PCDHGB4: variants seen among roughly 807,000 people sequenced by gnomAD.
PCDHGB4 encodes protocadherin gamma subfamily B, 4, also known as protocadherin gamma-B4.
A neutral mutation model predicts 60.5 loss-of-function variants in PCDHGB4; 38 were observed. That is an observed-to-expected ratio of 0.63 (90% CI 0.48 to 0.82). The LOEUF is 0.82. Among genes scored for constraint, PCDHGB4 ranks in the 40% least tolerant of loss-of-function variants. PCDHGB4 has a pLI of 0.00. For synonymous variants in PCDHGB4, 456 were observed against 509.7 expected (o/e 0.89, Z 1.42); for missense variants, 1,109 against 1,209.6 (o/e 0.92, Z 1.23).
chr5:141,397,639 G>A (rs1391771739), intron 1 of PCDHGB4, among the ~76,000 whole-genome samples: 2 of 152,180 alleles, frequency 1.3e-5, no homozygotes, highest in Non-Finnish European at 2.9e-5. Context: ...AGAGTTCAAG[G>A]TATGTTTGCA....
At position 141,487,892 on chromosome 5, in the gene PCDHGB4, T is replaced by C; in HGVS notation, c.2398-6915T>C. The C allele has an allele frequency of 2.7e-6, 2 of 731,410 alleles. No individual in the cohort carries two copies. The highest frequency in any genetic ancestry group is 4.4e-6 in the Non-Finnish European group (2 of 450,094). 45.3% of individuals were successfully genotyped at this position (731,410 alleles called of 1,614,324 possible). On this transcript the variant is annotated intron_variant, in intron 1 of 3. Coordinates refer to ENST00000519479, the MANE Select transcript of PCDHGB4 (RefSeq NM_003736.4). This position sits in a 1 kb window ranked among gnomAD's most constrained non-coding sequence, Gnocchi z 5.0. ...GAGCCAGGCTGTTGTGGAAGCATGA[T>C]GATGGAATGTGGGAGCACAGGAGGC...
rs1290674122 is a variant in PCDHGB4 at position 141,489,521 on chromosome 5, G to A, written c.2398-5286G>A. 3 of 1,613,988 alleles carry A rather than the reference G, an allele frequency of 1.9e-6. No individual in the cohort carries two copies. The highest frequency in any genetic ancestry group is 2.2e-5 in the East Asian group (1 of 44,886). On this transcript the variant is annotated intron_variant, in intron 1 of 3. Coordinates refer to ENST00000519479, the MANE Select transcript of PCDHGB4 (RefSeq NM_003736.4). This position sits in a 1 kb window ranked among gnomAD's most constrained non-coding sequence, Gnocchi z 4.5. ...GTGAATCAAAAGATTGACCGAGAAAGCCTATGTGGAGCCAGCACCAGCTGC... is the reference window on the plus strand; with the variant it reads ...GTGAATCAAAAGATTGACCGAGAAAACCTATGTGGAGCCAGCACCAGCTGC...
rs983998465 is a variant in PCDHGB4 at position 141,494,817 on chromosome 5, C to T, written c.2408C>T (p.Pro803Leu). ...SELTSHQQAP[P>L]NTDWRFSQAQ... ...CTGTTTTCTCCACAGCAAGCCCCGC[C>T]CAACACGGACTGGCGTTTCTCTCAG... The change falls in exon 2 of 4, where the codon CCC becomes CTC. Residue 803 changes from proline to leucine, a missense_variant. Around this residue, in one of 2 missense-constraint regions of PCDHGB4, gnomAD observed 1,068 missense variants for 1,089.9 expected, o/e 0.98. Transcript: ENST00000519479. 1.2e-6 allele frequency: 2 copies of T among 1,614,016 alleles called. No individual in the cohort carries two copies. Among genetic ancestry groups the T allele is most frequent in the Non-Finnish European group, 1.7e-6 (2 of 1,180,026 alleles).
At chr5:141,450,134 G>A (rs1267554616) in intron 1 of PCDHGB4, among the ~76,000 whole-genome samples, 1 of 151,424 alleles carries the variant, frequency 6.6e-6, no homozygotes, top group East Asian at 2.0e-4. Context: ...AGCCTCCTGA[G>A]TAGCTGGGAC....
chr5:141,465,786 T>G (rs1236517595), intron 1 of PCDHGB4, among the ~76,000 whole-genome samples: 1 of 152,136 alleles, frequency 6.6e-6, no homozygotes, highest in Non-Finnish European at 1.5e-5. Flanking sequence ...ACAGTTTTTT[T>G]TTTTTTAAGA....
Position 141,487,059 on chromosome 5 carries a change from G to A in PCDHGB4, c.2398-7748G>A, listed in dbSNP as rs760836605. 1.7e-5 allele frequency: 27 copies of A among 1,613,952 alleles called. No homozygotes were observed. Among genetic ancestry groups the A allele is most frequent in the Non-Finnish European group, 2.0e-5 (24 of 1,179,994 alleles). On this transcript the variant is annotated intron_variant, in intron 1 of 3. Transcript: ENST00000519479. This position sits in a 1 kb window ranked among gnomAD's most constrained non-coding sequence, Gnocchi z 5.0. ...GTCTCTCGATATGCTGGGGAGGTGC[G>A]GACGGCTGTTCCTATCCCAGCTGAC...
intron 1 of PCDHGB4, chr5:141,415,029 G>T (rs777967290): frequency 8.1e-6 from 13 of 1,613,554 alleles, no homozygotes; most frequent in Non-Finnish European, 1.0e-5. Context: ...CCAGCGAGCC[G>T]GGACTCTTCG....
chr5:141,389,862 C>CGTGG lies in PCDHGB4; in HGVS notation c.1978_1979insGTGG (p.Leu660ArgfsTer17), dbSNP rs2091951757. The CGTGG allele has an allele frequency of 6.2e-7, 1 of 1,613,964 alleles. No individual in the cohort carries two copies. Among genetic ancestry groups the CGTGG allele is most frequent in the Non-Finnish European group, 8.5e-7 (1 of 1,179,920 alleles). On this transcript the variant is annotated frameshift_variant, in exon 1 of 4. Transcript: ENST00000519479. LOFTEE classifies it high-confidence loss of function. ...ACTCTCGGCCACTGCCACGTTGCAC[C>CGTGG]TGGTCTTCGCCGACAGCTTGCAGGA... is the stretch of plus-strand genomic sequence containing the variant.
chr5:141,403,127 C>G, intron 1 of PCDHGB4: 1 of 1,614,062 alleles, frequency 6.2e-7, no homozygotes, highest in Non-Finnish European at 8.5e-7. Context: ...GCCCCGGGAG[C>G]TGGCGGAGCG....
chr5:141,495,449 G>T (rs1249221693), intron 2 of PCDHGB4, among the ~76,000 whole-genome samples: 1 of 152,194 alleles, frequency 6.6e-6, no homozygotes, highest in East Asian at 1.9e-4. Flanking sequence ...TACTTGTCCT[G>T]CTCTCTGTCT....
rs1348847945 is a variant in PCDHGB4, at chr5:141,493,426, C to G, written c.2398-1381C>G. ...TGCCTCTGCTGGGATTTTGCTTCTG[C>G]TGGGATGGGGCAAGGGTGGGGTTCC... On this transcript the variant is annotated intron_variant, in intron 1 of 3. Transcript: ENST00000519479. The surrounding 1 kb of genome is among the most constrained non-coding windows in gnomAD (Gnocchi z 4.3). Among the ~76,000 whole-genome samples, 2 of 152,144 alleles carry G rather than the reference C, an allele frequency of 1.3e-5. No homozygotes were observed. The highest frequency in any genetic ancestry group is 4.8e-5 in the African/African-American group (2 of 41,424).
At position 141,476,090 on chromosome 5, in the gene PCDHGB4, C is replaced by T; in HGVS notation, c.2398-18717C>T. On this transcript the variant is annotated intron_variant, in intron 1 of 3. Coordinates refer to ENST00000519479, the MANE Select transcript of PCDHGB4 (RefSeq NM_003736.4). The surrounding 1 kb of genome is among the most constrained non-coding windows in gnomAD (Gnocchi z 7.6). ...GAAATCTCAGGGACGATCTGGACCC[C>T]GCTGAGAGGAACTGCTTTTGAGTGA... 3 of 1,562,222 alleles carry T rather than the reference C, an allele frequency of 1.9e-6. No individual in the cohort carries two copies. Among genetic ancestry groups the T allele is most frequent in the African/African-American group, 1.4e-5 (1 of 73,764 alleles).
chr5:141,433,361 A>ATCTATCTATCTC, intron 1 of PCDHGB4: 1 of 297,578 alleles, frequency 3.4e-6, no homozygotes, highest in Non-Finnish European at 6.3e-6. Context: ...CTGTCTGCCT[A>ATCTATCTATCTC]TCTATCTATC....
intron 1 of PCDHGB4, chr5:141,440,191 A>G (rs1239698049): frequency 1.3e-5 from 2 of 152,376 alleles, no homozygotes; most frequent in African/African-American, 4.8e-5. Context: ...GTTGAAGGCC[A>G]GGCATGGTGG....
chr5:141,443,244 G>A (rs1277982376), intron 1 of PCDHGB4, among the ~76,000 whole-genome samples: 4 of 151,542 alleles, frequency 2.6e-5, no homozygotes, highest in African/African-American at 9.7e-5. Flanking sequence ...ACTTTGGGGC[G>A]CCAAGGCGGG....
At chr5:141,484,750 GTA>G (rs545232987) in intron 1 of PCDHGB4, among the ~76,000 whole-genome samples, 18 of 149,824 alleles carry the variant, frequency 1.2e-4, no homozygotes, top group Admixed American at 4.7e-4. Flanking sequence ...GAAAAAAAAT[GTA>G]TATATATATA....
chr5:141,420,454 TATTCAAAGAC>T, intron 1 of PCDHGB4: 1 of 968,104 alleles, frequency 1.0e-6, no homozygotes, highest in Admixed American at 3.7e-5. Context: ...GTCTTCCTAC[TATTCAAAGAC>T]ATTTTAAAGC....
chr5:141,475,572 C>T (rs2099365596), intron 1 of PCDHGB4, among the ~76,000 whole-genome samples: 1 of 152,214 alleles, frequency 6.6e-6, no homozygotes, highest in South Asian at 2.1e-4. Context: ...TTCCAACAAG[C>T]CAGATTTGTT....
intron 1 of PCDHGB4, among the ~76,000 whole-genome samples, chr5:141,450,976 C>T (rs2098702750): frequency 6.6e-6 from 1 of 152,032 alleles, no homozygotes; most frequent in Admixed American, 6.6e-5. Flanking sequence ...AGGCATGTGC[C>T]ACCACACCCG....
Sources: gnomAD v4.1 joint callset for allele counts (sites outside exome capture counted in the v4.1 genomes callset) on GRCh38, gnomAD v4.1.1 for gene constraint, gnomAD v4.1.1 regional missense constraint, Gnocchi (gnomAD v3.1) non-coding constraint, MANE v1.5 for transcripts, NCBI Gene and HGNC (gene_info 2026-07-23, HGNC 2026-07-21) for gene names.